Variants in ATP6V1A observed in about 807,000 individuals in gnomAD.
ATP6V1A encodes the protein V-type proton ATPase catalytic subunit A.
In ATP6V1A, 18 loss-of-function variants were observed where a neutral mutation model predicts 70.1. That is an observed-to-expected ratio of 0.26 (90% CI 0.18 to 0.38). The LOEUF is 0.38. Ranked by LOEUF, ATP6V1A falls within the 10% of genes least tolerant of loss-of-function variation. The pLI is 1.00. For synonymous variants in ATP6V1A, 232 were observed against 253.8 expected (o/e 0.91, Z 0.82); for missense variants, 424 against 772.4 (o/e 0.55, Z 5.35).
chr3:113,764,507 G>A (rs140289829), intron 1 of ATP6V1A, among the ~76,000 whole-genome samples: 1 of 152,256 alleles, frequency 6.6e-6, no homozygotes, highest in East Asian at 1.9e-4. Context: ...CTTTCATTAG[G>A]TATTTTTAAA....
intron 1 of ATP6V1A, among the ~76,000 whole-genome samples, chr3:113,776,986 T>G (rs1388526817): frequency 6.6e-6 from 1 of 152,254 alleles, no homozygotes; most frequent in Non-Finnish European, 1.5e-5. Context: ...TTTGAACTTT[T>G]AGTAAATAAG....
At chr3:113,779,599 C>T (rs1708956527) in intron 2 of ATP6V1A, among the ~76,000 whole-genome samples, 1 of 152,186 alleles carries the variant, frequency 6.6e-6, no homozygotes, top group Non-Finnish European at 1.5e-5. Flanking sequence ...CTGTCAGTCA[C>T]TGTGCCTCTT....
intron 1 of ATP6V1A, among the ~76,000 whole-genome samples, chr3:113,755,844 C>A (rs187533019): frequency 1.3e-5 from 2 of 152,260 alleles, no homozygotes; most frequent in Admixed American, 6.5e-5. Context: ...AATGGTAGCA[C>A]CTCTTCGTAT....
At chr3:113,769,220 T>C (rs1220768025) in intron 1 of ATP6V1A, among the ~76,000 whole-genome samples, 1 of 152,194 alleles carries the variant, frequency 6.6e-6, no homozygotes, top group African/African-American at 2.4e-5. Flanking sequence ...GGTAATGTTA[T>C]TTGTTGGAAT....
intron 8 of ATP6V1A, among the ~76,000 whole-genome samples, chr3:113,792,842 GT>G (rs1274202822): frequency 6.6e-6 from 1 of 152,160 alleles, no homozygotes; most frequent in Non-Finnish European, 1.5e-5. Flanking sequence ...GAATGTTACA[GT>G]GAATACCATG....
At chr3:113,759,275 A>G (rs1047583555) in intron 1 of ATP6V1A, among the ~76,000 whole-genome samples, 1 of 145,038 alleles carries the variant, frequency 6.9e-6, no homozygotes, top group Non-Finnish European at 1.5e-5. Context: ...AGATTTTTCT[A>G]TATAGTTACG....
intron 1 of ATP6V1A, among the ~76,000 whole-genome samples, chr3:113,761,573 C>T (rs574893104): frequency 6.6e-6 from 1 of 151,634 alleles, no homozygotes; most frequent in African/African-American, 2.4e-5. Context: ...CCCGACTCTA[C>T]TAAAAATACA....
Position 113,759,722 on chromosome 3 carries a change from G to A in ATP6V1A, c.-14+12609G>A, listed in dbSNP as rs2712357. Among the ~76,000 whole-genome samples, 397 of 152,204 alleles carry A rather than the reference G, an allele frequency of 2.6e-3. 1 individual carries two copies. The highest frequency in any genetic ancestry group is 8.5e-3 in the African/African-American group (355 of 41,544). On this transcript the variant is annotated intron_variant, in intron 1 of 14. Transcript: ENST00000273398. ...ATATTTTAAAAATCTTGGCCATCAA[G>A]CATTAGGCCAAAATGTGTATTCAGT...
intron 12 of ATP6V1A, chr3:113,801,200 A>C (rs1249586683): frequency 7.2e-6 from 1 of 138,636 alleles, no homozygotes; most frequent in Non-Finnish European, 1.5e-5. Context: ...AAAAATGTTT[A>C]GAAAAATTTT....
chr3:113,810,496 A>T lies in ATP6V1A; in HGVS notation c.*1069A>T, dbSNP rs1358285343. On this transcript the variant is annotated 3_prime_UTR_variant, in exon 15 of 15. Transcript: ENST00000273398. The stretch of plus-strand genomic sequence containing the variant: ...TTTATTTCACTAGAAAAAATTTAAT[A>T]TCAAGGACTATTACATACTTCATTA... 6.6e-6 allele frequency: 1 copy of T among 152,244 alleles called. No homozygotes were observed. The highest frequency in any genetic ancestry group is 2.4e-5 in the African/African-American group (1 of 41,466). 9.4% of individuals were successfully genotyped at this position (152,244 alleles called of 1,614,324 possible).
intron 1 of ATP6V1A, among the ~76,000 whole-genome samples, chr3:113,777,877 T>C (rs1708934478): frequency 6.6e-6 from 1 of 151,990 alleles, no homozygotes; most frequent in Non-Finnish European, 1.5e-5. Flanking sequence ...TGACAAAGAG[T>C]TCAGTGTGTA....
At chr3:113,786,690 A>G (rs911734332) in intron 6 of ATP6V1A, among the ~76,000 whole-genome samples, 8 of 150,576 alleles carry the variant, frequency 5.3e-5, no homozygotes, top group Non-Finnish European at 1.0e-4. Context: ...CACAGAAAGC[A>G]TTATTTCTGA....
At chr3:113,749,657 A>C (rs1393962267) in intron 1 of ATP6V1A, among the ~76,000 whole-genome samples, 2 of 152,184 alleles carry the variant, frequency 1.3e-5, no homozygotes, top group South Asian at 2.1e-4. Context: ...TTCCTCAGCA[A>C]ATCATAAAGC....
chr3:113,809,010 G>C (rs1288265901), intron 14 of ATP6V1A, among the ~76,000 whole-genome samples: 4 of 152,060 alleles, frequency 2.6e-5, no homozygotes, highest in Non-Finnish European at 5.9e-5. Context: ...AGCACTTTGG[G>C]AGGCCGAGGC....
rs772278685 is a variant in ATP6V1A at position 113,771,429 on chromosome 3, CT to C, written c.-13-7286del. Among the ~76,000 whole-genome samples, 756 of 112,492 alleles carry C rather than the reference CT, an allele frequency of 6.7e-3. 3 individuals are homozygous for C. The highest frequency in any genetic ancestry group is 0.025 in the South Asian group (80 of 3,242). 73.8% of individuals were successfully genotyped at this position (112,492 alleles called of 152,430 possible). On this transcript the variant is annotated intron_variant, in intron 1 of 14. Coordinates refer to ENST00000273398, the MANE Select transcript of ATP6V1A (RefSeq NM_001690.4). ...GGAAAAAACACTTGCATATTTTTCT[CT>C]TTTTTTTTTTTTTTTTTTTTTTTTT...
intron 1 of ATP6V1A, among the ~76,000 whole-genome samples, chr3:113,773,416 G>A (rs961868097): frequency 1.8e-4 from 27 of 151,938 alleles, no homozygotes; most frequent in African/African-American, 6.3e-4. Flanking sequence ...GCCGTCTTTG[G>A]CATAAATTAA....
chr3:113,754,650 G>C (rs1031214225), intron 1 of ATP6V1A, among the ~76,000 whole-genome samples: 1 of 152,034 alleles, frequency 6.6e-6, no homozygotes, highest in South Asian at 2.1e-4. Context: ...CTATCGACAC[G>C]CTTTCTGCCT....
At chr3:113,793,931 G>C (rs935887977) in intron 8 of ATP6V1A, among the ~76,000 whole-genome samples, 2 of 151,752 alleles carry the variant, frequency 1.3e-5, no homozygotes, top group Admixed American at 6.6e-5. Flanking sequence ...GTTTCATAGC[G>C]CTTTGTACTT....
intron 8 of ATP6V1A, among the ~76,000 whole-genome samples, chr3:113,790,559 C>G (rs1709080612): frequency 6.6e-6 from 1 of 152,114 alleles, no homozygotes; most frequent in Non-Finnish European, 1.5e-5. Flanking sequence ...GACCTTTCAT[C>G]TTTGGTTCCG....
Sources: gnomAD v4.1 joint callset for allele counts (sites outside exome capture counted in the v4.1 genomes callset) on GRCh38, gnomAD v4.1.1 for gene constraint, MANE v1.5 for transcripts, NCBI Gene and HGNC (gene_info 2026-07-23, HGNC 2026-07-21) for gene names.